IGF1R: variants seen among roughly 807,000 people sequenced by gnomAD.
IGF1R encodes the protein insulin like growth factor 1 receptor.
In IGF1R, 44 loss-of-function variants were observed where a neutral mutation model predicts 144.6. The observed-to-expected ratio is 0.30, with a 90% CI of 0.24 to 0.39. IGF1R has a LOEUF of 0.39. Among genes scored for constraint, IGF1R ranks in the 10% least tolerant of loss-of-function variants. The probability of loss-of-function intolerance (pLI) is 1.00; values close to 1 mark genes in which losing one functional copy is unlikely to be tolerated. For synonymous variants in IGF1R, 795 were observed against 722.8 expected, an observed-to-expected ratio of 1.10 and a Z score of -1.60; for missense variants, 1,355 against 1,833.7, an observed-to-expected ratio of 0.74 and a Z score of 4.77.
chr15:98,753,427 C>A (rs7182976), intron 2 of IGF1R, among the ~76,000 whole-genome samples: 71,069 of 126,356 alleles, frequency 0.56, 19,334 homozygotes, highest in Admixed American at 0.61. Context: ...GAGACGGGGT[C>A]ATTCTATGTT....
chr15:98,799,700 CTGT>C (rs1257534982), intron 2 of IGF1R, among the ~76,000 whole-genome samples: 1 of 152,120 alleles, frequency 6.6e-6, no homozygotes, highest in Non-Finnish European at 1.5e-5. Context: ...CTGAGGGCTG[CTGT>C]TACCTTCCCA....
intron 9 of IGF1R, 42 bp downstream of exon 9, chr15:98,916,173 C>A: frequency 6.3e-7 from 1 of 1,596,454 alleles, no homozygotes; most frequent in Non-Finnish European, 8.6e-7. Context: ...TGTGACCGTT[C>A]ATTCCTGTGG....
intron 2 of IGF1R, among the ~76,000 whole-genome samples, chr15:98,810,985 T>C (rs2056577418): frequency 6.6e-6 from 1 of 152,080 alleles, no homozygotes; most frequent in Admixed American, 6.5e-5. Flanking sequence ...ATATTGTCTG[T>C]AGACAACCTA....
At chr15:98,927,974 T>G (rs927048637) in intron 13 of IGF1R, among the ~76,000 whole-genome samples, 3 of 152,184 alleles carry the variant, frequency 2.0e-5, no homozygotes, top group Non-Finnish European at 4.4e-5. Context: ...AAAGGCCTCT[T>G]CTCTCCTTTG....
rs1279463209 is a variant in IGF1R, at chr15:98,861,893, C to T, written c.641-29432C>T. ...AATTCTCATCTTCTGTTGCATATCC[C>T]ATAATGCTGGGAACACAAAATAAAA... On this transcript the variant is annotated intron_variant, in intron 2 of 20. Coordinates refer to ENST00000650285, the MANE Select transcript of IGF1R (RefSeq NM_000875.5). 3.3e-5 allele frequency among the ~76,000 whole-genome samples: 5 copies of T among 152,344 alleles called. No individual in the cohort carries two copies. The South Asian group carries it at 1.0e-3, about 32-fold the overall frequency.
intron 2 of IGF1R, among the ~76,000 whole-genome samples, chr15:98,817,065 G>A (rs1428796318): frequency 6.6e-6 from 1 of 152,198 alleles, no homozygotes; most frequent in Non-Finnish European, 1.5e-5. Flanking sequence ...CACTTTGGGA[G>A]GCCAAGACAG....
At chr15:98,952,593 G>T (rs1025635291) in intron 20 of IGF1R, among the ~76,000 whole-genome samples, 2 of 152,214 alleles carry the variant, frequency 1.3e-5, no homozygotes, top group African/African-American at 4.8e-5. Context: ...GTGAGGGAGA[G>T]CGGTATTGTT....
At chr15:98,772,475 A>T (rs1193181696) in intron 2 of IGF1R, among the ~76,000 whole-genome samples, 1 of 57,272 alleles carries the variant, frequency 1.7e-5, no homozygotes, top group Non-Finnish European at 3.7e-5. Flanking sequence ...GGTCACTTAA[A>T]AATTATTATT....
At chr15:98,874,659 A>T (rs895947172) in intron 2 of IGF1R, among the ~76,000 whole-genome samples, 1 of 152,188 alleles carries the variant, frequency 6.6e-6, no homozygotes, top group African/African-American at 2.4e-5. Context: ...CCAAGTGAAG[A>T]CATTTGACTG....
chr15:98,917,032 G>C (rs1206057540), intron 10 of IGF1R, 156 bp downstream of exon 10: 2 of 728,334 alleles, frequency 2.7e-6, no homozygotes, highest in South Asian at 3.0e-5. Context: ...GTTCGGTGAA[G>C]TGAGTCCCTG....
At chr15:98,866,198 G>A (rs1321196096) in intron 2 of IGF1R, among the ~76,000 whole-genome samples, 2 of 152,170 alleles carry the variant, frequency 1.3e-5, no homozygotes, top group Non-Finnish European at 2.9e-5. Flanking sequence ...AGCCCAGGAC[G>A]CTCCTGCCGT....
At position 98,672,428 on chromosome 15, in the gene IGF1R, C is replaced by T. The variant is rs574520606; in HGVS notation, c.94+22753C>T. On this transcript the variant is annotated intron_variant, in intron 1 of 20. Coordinates refer to ENST00000650285, the MANE Select transcript of IGF1R (RefSeq NM_000875.5). ...AAAAATACAATACAAAAATTAGCCG[C>T]GTGTGGTGGTGTGCGCCTGTAGTCC... Among the ~76,000 whole-genome samples, 125 of 151,870 alleles carry T rather than the reference C, an allele frequency of 8.2e-4. 1 individual carries two copies. The highest frequency in any genetic ancestry group is 2.6e-3 in the African/African-American group (109 of 41,414).
chr15:98,936,042 C>T (rs1521479), intron 17 of IGF1R, among the ~76,000 whole-genome samples: 73,487 of 152,002 alleles, frequency 0.48, 18,593 homozygotes, highest in South Asian at 0.66. Flanking sequence ...CACCCAGCTC[C>T]GTGCGCAAGA....
chr15:98,803,355 T>A (rs1285600432), intron 2 of IGF1R, among the ~76,000 whole-genome samples: 1 of 151,974 alleles, frequency 6.6e-6, no homozygotes, highest in Non-Finnish European at 1.5e-5. Context: ...GATAAAAAAA[T>A]GGTACACCTG....
At chr15:98,681,928 T>C (rs189431777) in intron 1 of IGF1R, among the ~76,000 whole-genome samples, 1 of 152,264 alleles carries the variant, frequency 6.6e-6, no homozygotes, top group East Asian at 1.9e-4. Context: ...TGTTGGGTCA[T>C]GTGAAATCAA....
chr15:98,910,869 G>A (rs1176804771), intron 6 of IGF1R, among the ~76,000 whole-genome samples: 1 of 152,180 alleles, frequency 6.6e-6, no homozygotes, highest in Non-Finnish European at 1.5e-5. Context: ...TTTGGTGGTT[G>A]TACACGAACA....
At position 98,958,466 on chromosome 15, in the gene IGF1R, A is replaced by G. The variant is rs540920136; in HGVS notation, c.*1024A>G. The G allele has an allele frequency of 1.1e-5, 2 of 180,338 alleles. No individual in the cohort carries two copies. The highest frequency in any genetic ancestry group is 9.5e-5 in the East Asian group (1 of 10,544). 11.2% of individuals were successfully genotyped at this position (180,338 alleles called of 1,614,324 possible). On this transcript the variant is annotated 3_prime_UTR_variant, in exon 21 of 21. Coordinates refer to ENST00000650285, the MANE Select transcript of IGF1R (RefSeq NM_000875.5). Reference sequence around the variant, plus strand: ...AAGGGGTTTCCAGGGACTCAGCCCCACTGTTGATGCAGGTTTGCAAGGAAA... The same window carrying G: ...AAGGGGTTTCCAGGGACTCAGCCCCGCTGTTGATGCAGGTTTGCAAGGAAA...
chr15:98,761,431 A>T (rs906684613), intron 2 of IGF1R, among the ~76,000 whole-genome samples: 3 of 152,202 alleles, frequency 2.0e-5, no homozygotes, highest in African/African-American at 7.2e-5. Flanking sequence ...AAGCATTCAT[A>T]CCAGGCAGGA....
At chr15:98,826,130 G>C (rs753206153) in intron 2 of IGF1R, among the ~76,000 whole-genome samples, 4 of 152,346 alleles carry the variant, frequency 2.6e-5, no homozygotes, top group Non-Finnish European at 5.9e-5. Flanking sequence ...TTGATATCTT[G>C]AAATCAGGGG....
Sources: gnomAD v4.1 joint callset for allele counts (sites outside exome capture counted in the v4.1 genomes callset) on GRCh38, gnomAD v4.1.1 for gene constraint, MANE v1.5 for transcripts, NCBI Gene and HGNC (gene_info 2026-07-23, HGNC 2026-07-21) for gene names.